The following PRDM8 variants were observed in gnomAD, a reference collection of about 807,000 sequenced individuals.
PRDM8 encodes PR/SET domain 8, also known as PR domain zinc finger protein 8.
A neutral mutation model predicts 46.5 loss-of-function variants in PRDM8; 13 were observed. That is an observed-to-expected ratio of 0.28 (90% CI 0.18 to 0.44). The LOEUF is 0.44. Among genes scored for constraint, PRDM8 ranks in the 20% least tolerant of loss-of-function variants. The pLI, the probability that PRDM8 is intolerant of heterozygous loss-of-function variation, is 1.00. For synonymous variants in PRDM8, 473 were observed against 438.4 expected, an observed-to-expected ratio of 1.08 and a Z score of -0.98; for missense variants, 998 against 955.0, an observed-to-expected ratio of 1.04 and a Z score of -0.59.
Position 80,203,223 on chromosome 4 carries a change from TGCCGCTGCAGCC to T in PRDM8, c.1764_1775del (p.Ala595_Ala598del). On this transcript the variant is annotated inframe_deletion, in exon 4 of 4. Transcript: ENST00000415738. ...CCGCCTTCTGGCCCAAGAGCTCCGC[TGCCGCTGCAGCC>T]GCGGCTGCGGCGGCGGCCGCGGGGC... The T allele has an allele frequency of 6.4e-7, 1 of 1,553,596 alleles. No individual in the cohort carries two copies. The highest frequency in any genetic ancestry group is 8.7e-7 in the Non-Finnish European group (1 of 1,151,130).
chr4:80,197,777 C>T lies in PRDM8; in HGVS notation c.-3+14C>T. ...ACCTTATTCCTGGTAAGTCTATTTGCATTGATGTGGGAGGGGGATGGGAGG... is the reference window on the plus strand; with the variant it reads ...ACCTTATTCCTGGTAAGTCTATTTGTATTGATGTGGGAGGGGGATGGGAGG... On this transcript the variant is annotated intron_variant, in intron 1 of 3. Transcript: ENST00000415738. 1.0e-6 allele frequency: 1 copy of T among 985,252 alleles called. No homozygotes were observed. The highest frequency in any genetic ancestry group is 1.2e-6 in the Non-Finnish European group (1 of 829,476). 61.0% of individuals were successfully genotyped at this position (985,252 alleles called of 1,614,324 possible).
At chr4:80,187,812 A>G (rs1333632468) in intron 1 of PRDM8, among the ~76,000 whole-genome samples, 1 of 152,194 alleles carries the variant, frequency 6.6e-6, no homozygotes, top group Non-Finnish European at 1.5e-5. Context: ...AGTCACTCAG[A>G]AATGCTCCTA....
At chr4:80,199,448 T>C (rs1448703559) in intron 1 of PRDM8, among the ~76,000 whole-genome samples, 1 of 152,176 alleles carries the variant, frequency 6.6e-6, no homozygotes, top group Non-Finnish European at 1.5e-5. Context: ...ACGTCCCTTC[T>C]TGTAGGCTGC....
rs781061707 is a variant in PRDM8 at position 80,202,989 on chromosome 4, G to T, written c.1527G>T (p.Ser509=). The T allele has an allele frequency of 6.6e-7, 1 of 1,508,474 alleles. No individual in the cohort carries two copies. The highest frequency in any genetic ancestry group is 1.2e-5 in the South Asian group (1 of 81,530). 93.4% of individuals were successfully genotyped at this position (1,508,474 alleles called of 1,614,324 possible). A position where few individuals can be genotyped will look rare whatever the true frequency, so the allele number is the denominator to read the frequency against. ...TCTCGCAGCCAGCACGCTCTTTCTC[G>T]CAGCTGTCCCCGCTGGTGCTGGGCC... is the stretch of plus-strand genomic sequence containing the variant. ...SAFSQPARSF[S]QLSPLVLGQK... Residue 509 remains serine, a synonymous_variant, in exon 4 of 4, where the codon TCG becomes TCT. Coordinates refer to ENST00000415738, the MANE Select transcript of PRDM8 (RefSeq NM_001099403.2).
In PRDM8 at chr4:80,199,737, G is replaced by GTGTGTGTGTGTGTGTGTGTGTGTA. The variant is rs1553905032; in HGVS notation, c.-2-341_-2-340insGTGTGTGTGTGTGTGTGTGTGTAT. ...TGTGTGTGTGTGTGTGTGTGTGTGTGTACATATATATATAATTCTGCCTGG... is the reference window on the plus strand; with the variant it reads ...TGTGTGTGTGTGTGTGTGTGTGTGTGTGTGTGTGTGTGTGTGTGTGTGTATACATATATATATAATTCTGCCTGG... On this transcript the variant is annotated intron_variant, in intron 1 of 3. Transcript: ENST00000415738. Among the ~76,000 whole-genome samples the GTGTGTGTGTGTGTGTGTGTGTGTA allele has an allele frequency of 7.9e-3, 1,109 of 140,388 alleles. 10 individuals carry two copies. The highest frequency in any genetic ancestry group is 0.012 in the African/African-American group (452 of 37,164). 92.1% of individuals were successfully genotyped at this position (140,388 alleles called of 152,430 possible). A position where few individuals can be genotyped will look rare whatever the true frequency, so the allele number is the denominator to read the frequency against.
At chr4:80,185,837 T>A (rs1194586429) in intron 1 of PRDM8, among the ~76,000 whole-genome samples, 1 of 152,230 alleles carries the variant, frequency 6.6e-6, no homozygotes, top group Non-Finnish European at 1.5e-5. Context: ...ATAATCGTAA[T>A]TTGCGTCATT....
rs1738440035 is a variant in PRDM8 at position 80,201,485 on chromosome 4, T to C, written c.415T>C (p.Leu139=). 1 of 1,614,088 alleles carries C rather than the reference T, an allele frequency of 6.2e-7. No individual in the cohort carries two copies. Among genetic ancestry groups the C allele is most frequent in the Non-Finnish European group, 8.5e-7 (1 of 1,179,940 alleles). Residue 139 remains leucine (L), a synonymous_variant, in exon 3 of 4, where the codon TTG becomes CTG. Coordinates refer to ENST00000415738, the MANE Select transcript of PRDM8 (RefSeq NM_001099403.2). ...CGGGAAAGAACTGACTGAGTTACTC[T>C]TGCTCTGCCCCTCTAGATCCCACAA... ...WYGKELTELL[L]LCPSRSHNKM... is the part of the protein sequence containing the mutation.
Position 80,202,327 on chromosome 4 carries a change from AGCGGCG to A in PRDM8, c.877_882del (p.Gly293_Gly294del), listed in dbSNP as rs752636419. On this transcript the variant is annotated inframe_deletion, in exon 4 of 4. Coordinates refer to ENST00000415738, the MANE Select transcript of PRDM8 (RefSeq NM_001099403.2). Reference sequence around the variant, plus strand: ...CCAGAGCCTCAGCAGCGGTAGCGGCAGCGGCGGCGGCGGCGGCCACCAGGAGGCGGA... The same window carrying A: ...CCAGAGCCTCAGCAGCGGTAGCGGCAGCGGCGGCGGCCACCAGGAGGCGGA... 1.3e-6 allele frequency: 2 copies of A among 1,584,820 alleles called. No individual in the cohort carries two copies. Among genetic ancestry groups the A allele is most frequent in the Admixed American group, 1.7e-5 (1 of 58,340 alleles).
At chr4:80,193,808 C>T (rs115216261), upstream of PRDM8, among the ~76,000 whole-genome samples, 2,620 of 152,214 alleles carry the variant, frequency 0.017, 65 homozygotes, top group African/African-American at 0.06. Flanking sequence ...CCCCCTTTCA[C>T]CATGAATTGC....
intron 2 of PRDM8, chr4:80,191,634 T>C (rs1737553660): frequency 6.6e-6 from 1 of 152,182 alleles, no homozygotes; most frequent in African/African-American, 2.4e-5. Flanking sequence ...GATCTTTGAA[T>C]TTTTTTAAGG....
upstream of PRDM8, among the ~76,000 whole-genome samples, chr4:80,195,522 T>TG (rs1560469596): frequency 1.3e-4 from 18 of 142,840 alleles, no homozygotes; most frequent in Non-Finnish European, 1.2e-4. Flanking sequence ...GTGTGTGTGT[T>TG]TGTGTGTGTG....
rs1377512134 is a variant in PRDM8, at chr4:80,203,736, A to ACCC, written c.*205_*206insCCC. 2.2e-6 allele frequency: 1 copy of ACCC among 445,904 alleles called. No homozygotes were observed. Among genetic ancestry groups the ACCC allele is most frequent in the African/African-American group, 2.6e-5 (1 of 39,162 alleles). 27.6% of individuals were successfully genotyped at this position (445,904 alleles called of 1,614,324 possible). A position where few individuals can be genotyped will look rare whatever the true frequency, so the allele number is the denominator to read the frequency against. On this transcript the variant is annotated 3_prime_UTR_variant, in exon 4 of 4. Transcript: ENST00000415738. ...TCATTCAAATATTTACCCGGGACAC[A>ACCC]CACCCCCCCCCACACACACACACAG...
chr4:80,198,315 G>A (rs1738126647), intron 1 of PRDM8, among the ~76,000 whole-genome samples: 1 of 152,142 alleles, frequency 6.6e-6, no homozygotes, highest in South Asian at 2.1e-4. Flanking sequence ...CCGAAGTGAC[G>A]GGGCGACCTC....
chr4:80,198,965 C>T lies in PRDM8; in HGVS notation c.-2-1114C>T, dbSNP rs1738178343. Among the ~76,000 whole-genome samples the T allele has an allele frequency of 2.2e-5, 3 of 133,456 alleles. No individual in the cohort carries two copies. The Admixed American group carries it at 2.4e-4, about 10-fold the overall frequency. The allele number at this position is 133,456 out of a possible 152,430, so 87.6% of individuals were successfully genotyped here. On this transcript the variant is annotated intron_variant, in intron 1 of 3. Transcript: ENST00000415738. ...CAAAGCTAGTTTAAAAATTTAAATA[C>T]CTGGGTTTTTTTGGGTTTTTTTTTT...
At chr4:80,198,979 G>GTT (rs1738184321) in intron 1 of PRDM8, among the ~76,000 whole-genome samples, 15 of 113,504 alleles carry the variant, frequency 1.3e-4, no homozygotes, top group African/African-American at 3.0e-4. Flanking sequence ...GGTTTTTTTG[G>GTT]GTTTTTTTTT....
chr4:80,197,468 G>T, upstream of PRDM8: 1 of 985,896 alleles, frequency 1.0e-6, no homozygotes, highest in Non-Finnish European at 1.2e-6. Flanking sequence ...CAGATTATGT[G>T]CAGCAAACAA....
chr4:80,187,423 GA>G (rs1309123844), intron 1 of PRDM8, among the ~76,000 whole-genome samples: 1 of 152,152 alleles, frequency 6.6e-6, no homozygotes, highest in Non-Finnish European at 1.5e-5. Flanking sequence ...TATTGAAGGA[GA>G]GGGGGAAATG....
intron 1 of PRDM8, among the ~76,000 whole-genome samples, chr4:80,186,798 C>T (rs183314082): frequency 2.6e-5 from 4 of 152,350 alleles, no homozygotes; most frequent in Admixed American, 2.6e-4. Flanking sequence ...TATAATGCGG[C>T]CTTTCTTCTG....
At chr4:80,193,556 A>C (rs1366552954), upstream of PRDM8, among the ~76,000 whole-genome samples, 1 of 152,160 alleles carries the variant, frequency 6.6e-6, no homozygotes, top group Non-Finnish European at 1.5e-5. Context: ...TGACCAGCCC[A>C]TCATTTCTGT....
Sources: allele counts gnomAD v4.1 joint callset (sites outside exome capture counted in the v4.1 genomes callset), GRCh38; gene constraint gnomAD v4.1.1; transcripts MANE v1.5; gene names NCBI Gene and HGNC (gene_info 2026-07-23, HGNC 2026-07-21).